PLXNC1: variants seen among roughly 807,000 people sequenced by gnomAD.
The protein encoded by PLXNC1 is plexin-C1.
PLXNC1 carries 75 observed loss-of-function variants against 178.2 expected under a neutral mutation model. The observed-to-expected ratio is 0.42, with a 90% CI of 0.35 to 0.51. The LOEUF is 0.51. PLXNC1 is among the 20% of genes least tolerant of loss of function. The probability of loss-of-function intolerance (pLI) is 0.02; values close to 1 mark genes in which losing one functional copy is unlikely to be tolerated. For synonymous variants in PLXNC1, 790 were observed against 779.9 expected, an observed-to-expected ratio of 1.01 and a Z score of -0.22; for missense variants, 1,503 against 1,984.4, an observed-to-expected ratio of 0.76 and a Z score of 4.61.
Position 94,280,143 on chromosome 12 carries a change from C to T in PLXNC1, c.3775+494C>T, listed in dbSNP as rs1051552178. On this transcript the variant is annotated intron_variant, in intron 22 of 30. Coordinates refer to ENST00000258526, the MANE Select transcript of PLXNC1 (RefSeq NM_005761.3). ...CACATCCTGTATTAAGTATATGCTC[C>T]GTCCTCCCTCAGTGTGCAGCAGCAT... 4.1e-5 allele frequency: 11 copies of T among 267,680 alleles called. 1 individual carries two copies. Among genetic ancestry groups the T allele is most frequent in the Admixed American group, 1.0e-4 (2 of 19,982 alleles). 16.6% of individuals were successfully genotyped at this position (267,680 alleles called of 1,614,324 possible).
chr12:94,172,943 G>A (rs1961899718), intron 2 of PLXNC1, among the ~76,000 whole-genome samples: 1 of 152,028 alleles, frequency 6.6e-6, no homozygotes, highest in African/African-American at 2.4e-5. Flanking sequence ...AGATTTTGGG[G>A]AAATAGAAGG....
chr12:94,217,489 A>C (rs758211587), intron 5 of PLXNC1, among the ~76,000 whole-genome samples: 4 of 152,098 alleles, frequency 2.6e-5, no homozygotes, highest in Admixed American at 2.0e-4. Flanking sequence ...CCCATACCCA[A>C]CTTGACACAT....
chr12:94,290,676 A>G (rs1429817334), intron 23 of PLXNC1, among the ~76,000 whole-genome samples: 2 of 152,244 alleles, frequency 1.3e-5, no homozygotes, highest in African/African-American at 4.8e-5. Context: ...TTAGGTTTTA[A>G]TCCTTTGGTG....
intron 1 of PLXNC1, among the ~76,000 whole-genome samples, chr12:94,164,338 G>T (rs1265895183): frequency 4.6e-5 from 7 of 152,166 alleles, no homozygotes; most frequent in African/African-American, 1.2e-4. Flanking sequence ...TAGCACCTTG[G>T]GGGTAAAACA....
At chr12:94,300,505 T>C (rs1968360384) in intron 27 of PLXNC1, among the ~76,000 whole-genome samples, 1 of 152,116 alleles carries the variant, frequency 6.6e-6, no homozygotes, top group South Asian at 2.1e-4. Flanking sequence ...ATGCAGGGTG[T>C]TATCCAGAGG....
intron 10 of PLXNC1, among the ~76,000 whole-genome samples, chr12:94,239,363 A>G (rs987309940): frequency 4.7e-5 from 7 of 147,520 alleles, no homozygotes; most frequent in African/African-American, 1.7e-4. Flanking sequence ...TTTATAAACA[A>G]GTTTGAATTT....
chr12:94,211,880 A>G (rs1270581713), intron 5 of PLXNC1, among the ~76,000 whole-genome samples: 2 of 152,254 alleles, frequency 1.3e-5, no homozygotes, highest in East Asian at 1.9e-4. Context: ...TTATTTGAGC[A>G]TGGGCAAAAA....
At chr12:94,184,677 T>C (rs1242096478) in intron 3 of PLXNC1, among the ~76,000 whole-genome samples, 4 of 152,220 alleles carry the variant, frequency 2.6e-5, no homozygotes, top group African/African-American at 9.6e-5. Flanking sequence ...CCTCCCAAAG[T>C]GCTGGGATTA....
intron 2 of PLXNC1, among the ~76,000 whole-genome samples, chr12:94,181,185 G>T (rs1483751841): frequency 6.6e-6 from 1 of 151,862 alleles, no homozygotes; most frequent in African/African-American, 2.4e-5. Flanking sequence ...GGATCACGAG[G>T]TCAGGAGATC....
intron 23 of PLXNC1, among the ~76,000 whole-genome samples, chr12:94,290,048 C>T (rs1218306393): frequency 1.3e-5 from 2 of 152,122 alleles, no homozygotes; most frequent in Non-Finnish European, 2.9e-5. Flanking sequence ...AAGGCCCATC[C>T]GAGGTATTTG....
chr12:94,186,395 A>G lies in PLXNC1; in HGVS notation c.1361A>G (p.Asn454Ser). 2 of 1,613,156 alleles carry G rather than the reference A, an allele frequency of 1.2e-6. No individual in the cohort carries two copies. The highest frequency in any genetic ancestry group is 1.7e-6 in the Non-Finnish European group (2 of 1,179,080). The change falls in exon 4 of 31, where the codon AAC (asparagine) becomes AGC (serine). Residue 454 changes from asparagine (N) to serine (S), a missense_variant. Asn to Ser is a conservative substitution (Grantham distance 46). Coordinates refer to ENST00000258526, the MANE Select transcript of PLXNC1 (RefSeq NM_005761.3). ...GKEVRRIRVA[N>S]CNKHKSCSEC... is the part of the protein sequence containing the mutation. ...TAGGTGAGGAGAATTCGTGTTGCAA[A>G]CTGCAATAAACATAAATCCTGTTCG...
At chr12:94,216,406 C>T (rs986296783) in intron 5 of PLXNC1, among the ~76,000 whole-genome samples, 24 of 151,886 alleles carry the variant, frequency 1.6e-4, no homozygotes, top group Non-Finnish European at 2.6e-4. Flanking sequence ...TGGGCCAAAA[C>T]ACATATATTC....
intron 20 of PLXNC1, among the ~76,000 whole-genome samples, chr12:94,261,357 A>C (rs2136082234): frequency 6.6e-6 from 1 of 152,338 alleles, no homozygotes; most frequent in African/African-American, 2.4e-5. Context: ...TGAACTTTAA[A>C]ATCTTTTCAA....
At chr12:94,177,111 G>GTGTA (rs1333234402) in intron 2 of PLXNC1, among the ~76,000 whole-genome samples, 23 of 135,202 alleles carry the variant, frequency 1.7e-4, no homozygotes, top group Admixed American at 4.6e-4. Context: ...ATGTGTGTGT[G>GTGTA]TATATATGTG....
At chr12:94,212,630 C>G (rs146930526) in intron 5 of PLXNC1, among the ~76,000 whole-genome samples, 8 of 152,176 alleles carry the variant, frequency 5.3e-5, no homozygotes, top group African/African-American at 1.9e-4. Context: ...CCAGTTTCAT[C>G]CATGTCCCTG....
chr12:94,196,687 T>A (rs1962927924), intron 4 of PLXNC1, among the ~76,000 whole-genome samples: 1 of 152,202 alleles, frequency 6.6e-6, no homozygotes, highest in Non-Finnish European at 1.5e-5. Context: ...GCAGTGCCCC[T>A]TCCACAGGGA....
chr12:94,240,490 A>T lies in PLXNC1; in HGVS notation c.2126A>T (p.Gln709Leu). The T allele has an allele frequency of 6.2e-7, 1 of 1,612,432 alleles. No homozygotes were observed. The highest frequency in any genetic ancestry group is 8.5e-7 in the Non-Finnish European group (1 of 1,178,954). ...CTTTTTCTACTCTTTTCTAGGATAC[A>T]GGTTAGCCATGTGCTAAATGACACC... ...GTSTCDKDVI[Q>L]VSHVLNDTHM... The change falls in exon 11 of 31, where the codon CAG (glutamine) becomes CTG (leucine). Residue 709 changes from glutamine (Q) to leucine (L), a missense_variant. Transcript: ENST00000258526.
At chr12:94,172,287 G>C (rs551652280) in intron 2 of PLXNC1, among the ~76,000 whole-genome samples, 1 of 152,136 alleles carries the variant, frequency 6.6e-6, no homozygotes, top group Non-Finnish European at 1.5e-5. Flanking sequence ...ATGAGTTGAC[G>C]GCATTTTGAC....
chr12:94,184,566 A>G (rs3847808), intron 3 of PLXNC1, among the ~76,000 whole-genome samples: 72,784 of 151,638 alleles, frequency 0.48, 18,102 homozygotes, highest in African/African-American at 0.62. Flanking sequence ...GGGATTACAG[A>G]CGCCCACCAC....
Sources: gnomAD v4.1 joint callset for allele counts (sites outside exome capture counted in the v4.1 genomes callset) on GRCh38, gnomAD v4.1.1 for gene constraint, MANE v1.5 for transcripts, NCBI Gene and HGNC (gene_info 2026-07-23, HGNC 2026-07-21) for gene names.